The following SCLT1 variants were observed in gnomAD, a reference collection of about 807,000 sequenced individuals.
SCLT1 encodes sodium channel and clathrin linker 1, also known as sodium channel-associated protein 1.
A neutral mutation model predicts 112.8 loss-of-function variants in SCLT1; 78 were observed. The observed-to-expected ratio is 0.69, with a 90% confidence interval of 0.58 to 0.83. SCLT1 has a LOEUF of 0.83. Ranked by LOEUF, SCLT1 falls within the 40% of genes least tolerant of loss-of-function variation. SCLT1 has a pLI of 0.00. For synonymous variants in SCLT1, 257 were observed against 254.7 expected, an observed-to-expected ratio of 1.01 and a Z score of -0.09; for missense variants, 747 against 770.4, an observed-to-expected ratio of 0.97 and a Z score of 0.36.
chr4:128,994,946 T>C (rs187689693), intron 8 of SCLT1, among the ~76,000 whole-genome samples: 102 of 152,276 alleles, frequency 6.7e-4, no homozygotes, highest in Non-Finnish European at 1.2e-3. Flanking sequence ...GGATATACGG[T>C]CTGCAAATAT....
chr4:129,017,335 T>G (rs949624126), intron 5 of SCLT1, among the ~76,000 whole-genome samples: 1 of 152,182 alleles, frequency 6.6e-6, no homozygotes, highest in Non-Finnish European at 1.5e-5. Context: ...GAAATGTACA[T>G]GTACATAATC....
At chr4:129,007,986 T>C (rs947527490) in intron 5 of SCLT1, among the ~76,000 whole-genome samples, 1 of 152,182 alleles carries the variant, frequency 6.6e-6, no homozygotes, top group Non-Finnish European at 1.5e-5. Flanking sequence ...TAGTATCCTA[T>C]TTCTAATGGA....
At chr4:128,942,899 A>C (rs1266747498) in intron 17 of SCLT1, 97 bp downstream of exon 17, 9 of 841,522 alleles carry the variant, frequency 1.1e-5, no homozygotes, top group Non-Finnish European at 1.7e-5. Flanking sequence ...GAAGGCAAAA[A>C]AAAAGGGGGC....
chr4:128,877,849 T>C (rs950009065), intron 3 of SCLT1, among the ~76,000 whole-genome samples: 1 of 152,196 alleles, frequency 6.6e-6, no homozygotes, highest in African/African-American at 2.4e-5. Flanking sequence ...ATGAGCAGGA[T>C]AGTCTGCTTA....
intron 9 of SCLT1, among the ~76,000 whole-genome samples, chr4:128,973,915 T>C (rs1740923942): frequency 6.6e-6 from 1 of 152,096 alleles, no homozygotes; most frequent in African/African-American, 2.4e-5. Context: ...TATCTACTTT[T>C]GGCAGGAAGT....
chr4:128,946,187 A>G, intron 15 of SCLT1, 35 bp from the exon 16 acceptor site: 3 of 1,438,354 alleles, frequency 2.1e-6, no homozygotes, highest in South Asian at 2.5e-5. Context: ...ATAATATTAC[A>G]GAAGAAACTG....
chr4:129,003,498 G>A (rs1211279285), intron 6 of SCLT1, among the ~76,000 whole-genome samples: 4 of 150,092 alleles, frequency 2.7e-5, no homozygotes, highest in East Asian at 3.9e-4. Flanking sequence ...AAAAACTCAC[G>A]TCAAAATCTT....
chr4:128,999,289 T>C (rs548076835), intron 7 of SCLT1, among the ~76,000 whole-genome samples: 2 of 152,156 alleles, frequency 1.3e-5, no homozygotes, highest in South Asian at 4.1e-4. Context: ...GTTTCCACTG[T>C]ATTTGAGCAG....
At chr4:128,942,127 C>T (rs954993307) in intron 17 of SCLT1, among the ~76,000 whole-genome samples, 1 of 152,136 alleles carries the variant, frequency 6.6e-6, no homozygotes, top group African/African-American at 2.4e-5. Flanking sequence ...GGTCAAAGTA[C>T]AAACTTCTTT....
At chr4:128,995,560 T>C (rs1742940935) in intron 8 of SCLT1, among the ~76,000 whole-genome samples, 1 of 152,102 alleles carries the variant, frequency 6.6e-6, no homozygotes, top group Admixed American at 6.6e-5. Flanking sequence ...TCTCCCAGTC[T>C]TCACAGATTA....
intron 2 of SCLT1, among the ~76,000 whole-genome samples, chr4:129,058,383 G>A (rs975602017): frequency 6.6e-6 from 1 of 151,816 alleles, no homozygotes; most frequent in African/African-American, 2.4e-5. Flanking sequence ...CTCTTTTGCT[G>A]TATCCCATTG....
intron 20 of SCLT1, among the ~76,000 whole-genome samples, chr4:128,886,452 A>G (rs115904740): frequency 0.014 from 2,074 of 152,314 alleles, 44 homozygotes; most frequent in African/African-American, 0.041. Flanking sequence ...TTATAGGAAA[A>G]TTAGAAGATT....
intron 2 of SCLT1, among the ~76,000 whole-genome samples, chr4:129,049,459 T>G (rs1366554361): frequency 8.6e-6 from 1 of 116,506 alleles, no homozygotes; most frequent in Non-Finnish European, 1.6e-5. Context: ...AAGGGGAACA[T>G]CACACTCTGG....
At chr4:128,960,066 A>G (rs1301892362) in intron 11 of SCLT1, among the ~76,000 whole-genome samples, 1 of 152,174 alleles carries the variant, frequency 6.6e-6, no homozygotes, top group Non-Finnish European at 1.5e-5. Context: ...TAATTATGTT[A>G]TACTTGTTAT....
chr4:128,961,778 G>C (rs1278870741), intron 11 of SCLT1, among the ~76,000 whole-genome samples: 1 of 152,200 alleles, frequency 6.6e-6, no homozygotes, highest in African/African-American at 2.4e-5. Context: ...CCACTTTAGT[G>C]TTTGGGGCTG....
intron 18 of SCLT1, among the ~76,000 whole-genome samples, chr4:128,927,583 A>G (rs1736398040): frequency 6.6e-6 from 1 of 152,088 alleles, no homozygotes; most frequent in Non-Finnish European, 1.5e-5. Context: ...TCAGAAAAAA[A>G]AAAAGGAAAA....
intron 2 of SCLT1, among the ~76,000 whole-genome samples, chr4:129,067,813 A>G (rs1750623817): frequency 6.6e-6 from 1 of 151,974 alleles, no homozygotes; most frequent in South Asian, 2.1e-4. Flanking sequence ...TGCCTGGCAA[A>G]GAAGTAATAT....
intron 18 of SCLT1, among the ~76,000 whole-genome samples, chr4:128,907,447 T>A (rs1734775508): frequency 6.6e-6 from 1 of 152,092 alleles, no homozygotes; most frequent in Non-Finnish European, 1.5e-5. Flanking sequence ...GGGGTTTGGG[T>A]TATGAGGAGG....
intron 9 of SCLT1, among the ~76,000 whole-genome samples, chr4:128,977,316 C>A (rs1476930008): frequency 1.3e-5 from 2 of 152,004 alleles, no homozygotes; most frequent in African/African-American, 4.8e-5. Context: ...TTTCAGGAGT[C>A]CTAGAGTTAT....
Sources: allele counts gnomAD v4.1 joint callset (sites outside exome capture counted in the v4.1 genomes callset), GRCh38; gene constraint gnomAD v4.1.1; transcripts MANE v1.5; gene names NCBI Gene and HGNC (gene_info 2026-07-23, HGNC 2026-07-21).